TAFA2: variants seen among roughly 807,000 people sequenced by gnomAD.
The protein encoded by TAFA2 is TAFA chemokine like family member 2, also known as chemokine-like protein TAFA-2.
Under a neutral mutation model 18.8 loss-of-function variants are expected in TAFA2, and 7 were observed. That is an observed-to-expected ratio of 0.37 (90% CI 0.21 to 0.70). TAFA2 has a LOEUF of 0.70. Among genes scored for constraint, TAFA2 ranks in the 30% least tolerant of loss-of-function variants. TAFA2 has a pLI of 0.53. For synonymous variants in TAFA2, 60 were observed against 54.2 expected (o/e 1.11, Z -0.47); for missense variants, 122 against 158.1 (o/e 0.77, Z 1.23).
chr12:62,085,621 T>C (rs181533761), intron 1 of TAFA2, among the ~76,000 whole-genome samples: 101 of 152,290 alleles, frequency 6.6e-4, no homozygotes, highest in African/African-American at 2.3e-3. Flanking sequence ...GGAGATGGAA[T>C]GTAGTGTAAG....
chr12:61,886,447 G>A (rs908866850), intron 1 of TAFA2, among the ~76,000 whole-genome samples: 8 of 152,092 alleles, frequency 5.3e-5, no homozygotes, highest in African/African-American at 9.7e-5. Flanking sequence ...TCCAGACAAC[G>A]TTTCTTCACA....
chr12:62,028,747 T>C (rs1247353599), intron 1 of TAFA2, among the ~76,000 whole-genome samples: 3 of 152,170 alleles, frequency 2.0e-5, no homozygotes, highest in Non-Finnish European at 2.9e-5. Flanking sequence ...CCACCTGTTG[T>C]GAGGTAGAAG....
At chr12:61,926,844 G>A (rs192173763) in intron 1 of TAFA2, among the ~76,000 whole-genome samples, 4 of 151,862 alleles carry the variant, frequency 2.6e-5, no homozygotes, top group East Asian at 1.9e-4. Context: ...AGGCTGAGGC[G>A]GGTGGATCAC....
At chr12:62,200,126 G>C (rs1307668456) in intron 1 of TAFA2, among the ~76,000 whole-genome samples, 1 of 152,042 alleles carries the variant, frequency 6.6e-6, no homozygotes, top group African/African-American at 2.4e-5. Context: ...TTGTAAATTT[G>C]TTTAAGTTCC....
At chr12:61,851,888 A>G (rs1370586621) in intron 2 of TAFA2, among the ~76,000 whole-genome samples, 1 of 147,974 alleles carries the variant, frequency 6.8e-6, no homozygotes, top group East Asian at 2.0e-4. Context: ...ACCTGGGTCG[A>G]CAATGGATAA....
Position 61,786,956 on chromosome 12 carries a change from T to A in TAFA2, c.107-31932A>T, listed in dbSNP as rs888960504. ...ACTCAGAAAAAAGAAGGGAAATGAA[T>A]AAAGAACAAATGGGACTAATAGAAA... is the stretch of plus-strand genomic sequence containing the variant. On this transcript the variant is annotated intron_variant, in intron 2 of 4. Transcript: ENST00000416284. 2.6e-5 allele frequency among the ~76,000 whole-genome samples: 4 copies of A among 151,194 alleles called. No individual in the cohort carries two copies. In the East Asian group the frequency reaches 7.8e-4, roughly 29 times the overall value.
chr12:62,131,459 G>C (rs1271472445), intron 1 of TAFA2, among the ~76,000 whole-genome samples: 3 of 151,980 alleles, frequency 2.0e-5, no homozygotes, highest in African/African-American at 7.2e-5. Flanking sequence ...AGGGCTTCAG[G>C]CATGTTACCT....
chr12:61,976,525 T>C (rs545283502), intron 1 of TAFA2, among the ~76,000 whole-genome samples: 17 of 152,036 alleles, frequency 1.1e-4, no homozygotes, highest in African/African-American at 3.9e-4. Context: ...ATGTTTATTA[T>C]AATCCAAAAT....
At chr12:62,105,776 T>C (rs960579313) in intron 1 of TAFA2, among the ~76,000 whole-genome samples, 11 of 152,282 alleles carry the variant, frequency 7.2e-5, no homozygotes, top group African/African-American at 2.6e-4. Context: ...GGATGTGTAA[T>C]ACGAATCAAT....
chr12:61,944,857 GC>G (rs1231470233), intron 1 of TAFA2, among the ~76,000 whole-genome samples: 1 of 74,422 alleles, frequency 1.3e-5, no homozygotes, highest in African/African-American at 5.7e-5. Flanking sequence ...TGGATTCACA[GC>G]CGAATTCTAC....
At chr12:62,047,564 C>T (rs1881942243) in intron 1 of TAFA2, among the ~76,000 whole-genome samples, 1 of 152,102 alleles carries the variant, frequency 6.6e-6, no homozygotes, top group African/African-American at 2.4e-5. Context: ...TTAAGGTTTA[C>T]TAATTTAATT....
intron 1 of TAFA2, among the ~76,000 whole-genome samples, chr12:62,072,379 G>A (rs986755158): frequency 6.6e-6 from 1 of 151,980 alleles, no homozygotes; most frequent in Non-Finnish European, 1.5e-5. Flanking sequence ...TGAGGCAGGA[G>A]AATGGCGTGA....
intron 1 of TAFA2, among the ~76,000 whole-genome samples, chr12:62,156,240 A>G (rs1215030668): frequency 6.6e-6 from 1 of 152,222 alleles, no homozygotes; most frequent in Non-Finnish European, 1.5e-5. Context: ...CAAAATCACA[A>G]TGCGATACCA....
At chr12:61,898,481 A>C (rs1378470199) in intron 1 of TAFA2, among the ~76,000 whole-genome samples, 2 of 152,236 alleles carry the variant, frequency 1.3e-5, no homozygotes, top group Non-Finnish European at 2.9e-5. Context: ...ATCTATGCGG[A>C]GGTTCCCAAA....
intron 2 of TAFA2, among the ~76,000 whole-genome samples, chr12:61,760,650 A>G (rs558260351): frequency 6.6e-6 from 1 of 151,948 alleles, no homozygotes; most frequent in African/African-American, 2.4e-5. Context: ...TAAAAGGTTA[A>G]TGAGACGGGA....
chr12:62,252,142 G>A (rs1050285811), intron 1 of TAFA2: 4 of 152,232 alleles, frequency 2.6e-5, no homozygotes, highest in Admixed American at 2.6e-4. Flanking sequence ...TACCTGGTGG[G>A]ATGATCCAGT....
intron 1 of TAFA2, among the ~76,000 whole-genome samples, chr12:62,108,045 T>C (rs533386962): frequency 2.6e-5 from 4 of 152,154 alleles, no homozygotes; most frequent in Non-Finnish European, 5.9e-5. Flanking sequence ...CGTGCAGGTT[T>C]CTTACGTAGG....
chr12:61,795,707 C>T lies in TAFA2; in HGVS notation c.107-40683G>A, dbSNP rs560779758. Among the ~76,000 whole-genome samples, 8 of 149,826 alleles carry T rather than the reference C, an allele frequency of 5.3e-5. 1 individual carries two copies. The South Asian group carries it at 1.5e-3, about 28-fold the overall frequency. On this transcript the variant is annotated intron_variant, in intron 2 of 4. Transcript: ENST00000416284. ...AACCTGCATGTTGTGAACATGTACC[C>T]TAGAACTTAAAGTGTAATTTAAAAA...
chr12:61,778,064 G>A (rs968923393), intron 2 of TAFA2, among the ~76,000 whole-genome samples: 1 of 151,810 alleles, frequency 6.6e-6, no homozygotes, highest in Non-Finnish European at 1.5e-5. Flanking sequence ...CCTTGCGCAA[G>A]TTATTTCACT....
Sources: allele counts gnomAD v4.1 joint callset (sites outside exome capture counted in the v4.1 genomes callset), GRCh38; gene constraint gnomAD v4.1.1; transcripts MANE v1.5; gene names NCBI Gene and HGNC (gene_info 2026-07-23, HGNC 2026-07-21).